SOS1: variants seen among roughly 807,000 people sequenced by gnomAD.
SOS1 encodes the protein SOS Ras/Rac guanine nucleotide exchange factor 1, also known as son of sevenless homolog 1.
SOS1 carries 25 observed loss-of-function variants against 157.6 expected under a neutral mutation model. The ratio of observed to expected loss-of-function variants is 0.16; its 90% CI spans 0.12 to 0.22. The LOEUF (loss-of-function observed/expected upper bound fraction) is 0.22. Among genes scored for constraint, SOS1 ranks in the 10% least tolerant of loss-of-function variants. SOS1 has a pLI of 1.00. For synonymous variants in SOS1, 528 were observed against 534.0 expected (o/e 0.99, Z 0.16); for missense variants, 1,237 against 1,599.1 (o/e 0.77, Z 3.86).
intron 8 of SOS1, among the ~76,000 whole-genome samples, chr2:39,025,073 C>G (rs752720564): frequency 5.3e-5 from 8 of 152,186 alleles, no homozygotes; most frequent in Non-Finnish European, 1.2e-4. Flanking sequence ...ACTCATACAT[C>G]TTAAACCTGT....
chr2:39,040,815 G>A (rs540399221), intron 6 of SOS1, among the ~76,000 whole-genome samples: 1 of 152,300 alleles, frequency 6.6e-6, no homozygotes, highest in East Asian at 1.9e-4. Flanking sequence ...TGGCATACAA[G>A]TATAGGATTG....
At chr2:39,068,721 C>G (rs1671677491) in intron 1 of SOS1, among the ~76,000 whole-genome samples, 1 of 150,640 alleles carries the variant, frequency 6.6e-6, no homozygotes, top group Non-Finnish European at 1.5e-5. Context: ...AAAAGTTTTA[C>G]TTAAGAGTCC....
At chr2:39,090,471 G>A (rs573517795) in intron 1 of SOS1, among the ~76,000 whole-genome samples, 130 of 152,126 alleles carry the variant, frequency 8.5e-4, no homozygotes, top group African/African-American at 2.5e-3. Flanking sequence ...CGAGGTGGGC[G>A]GATTACCTGA....
chr2:39,012,519 A>G (rs1307747554), intron 13 of SOS1, among the ~76,000 whole-genome samples, 171 bp from the exon 14 acceptor site: 2 of 152,156 alleles, frequency 1.3e-5, no homozygotes, highest in Non-Finnish European at 2.9e-5. Context: ...CCGGTCCCCA[A>G]TCCTAATCTT....
At position 39,112,232 on chromosome 2, in the gene SOS1, C is replaced by T. The variant is rs554253877; in HGVS notation, c.87+8104G>A. 8.4e-3 allele frequency among the ~76,000 whole-genome samples: 1,276 copies of T among 152,286 alleles called. 18 individuals carry two copies. The highest frequency in any genetic ancestry group is 0.029 in the African/African-American group (1,215 of 41,540). On this transcript the variant is annotated intron_variant, in intron 1 of 22. Coordinates refer to ENST00000402219, the MANE Select transcript of SOS1 (RefSeq NM_005633.4). ...ACCAACTGTCTTCTCTCCCGGCTTA[C>T]CTGAACAGATAAGCGCTATTGGAGG...
At chr2:39,111,721 TC>T (rs1188533883) in intron 1 of SOS1, among the ~76,000 whole-genome samples, 3 of 147,764 alleles carry the variant, frequency 2.0e-5, no homozygotes, top group South Asian at 2.2e-4. Flanking sequence ...ATCTCTGGAA[TC>T]CTTTTTTTTT....
chr2:39,060,922 T>C (rs1021980452), intron 2 of SOS1, among the ~76,000 whole-genome samples: 2 of 147,648 alleles, frequency 1.4e-5, no homozygotes, highest in Non-Finnish European at 3.0e-5. Flanking sequence ...CTAAATAGAG[T>C]TACATGTCTT....
In SOS1 at chr2:39,012,223, T is replaced by C; in HGVS notation, c.2293A>G (p.Ile765Val). The change falls in exon 14 of 23, where the codon ATA becomes GTA. Residue 765 changes from isoleucine to valine, a missense_variant. Ile to Val is a conservative substitution (Grantham distance 29). Coordinates refer to ENST00000402219, the MANE Select transcript of SOS1 (RefSeq NM_005633.4). The part of the protein sequence containing the change: ...QSSPPTVEWH[I>V]SRPGHIETFD... ...GTCTCTATGTGCCCAGGTCTGCTTA[T>C]ATGCCACTCAACTGTGGGAGGTGAA... 5 of 1,613,672 alleles carry C rather than the reference T, an allele frequency of 3.1e-6. No individual in the cohort carries two copies. Among genetic ancestry groups the C allele is most frequent in the Non-Finnish European group, 4.2e-6 (5 of 1,179,656 alleles).
intron 1 of SOS1, 52 bp downstream of exon 1, chr2:39,120,284 C>G: frequency 6.7e-7 from 1 of 1,497,626 alleles, no homozygotes; most frequent in East Asian, 2.6e-5. Context: ...CCTTCCCCAG[C>G]GCCCGCGCTG....
At chr2:39,108,160 T>A (rs1187059819) in intron 1 of SOS1, among the ~76,000 whole-genome samples, 2 of 152,076 alleles carry the variant, frequency 1.3e-5, no homozygotes, top group African/African-American at 4.8e-5. Context: ...CCTCTAAATC[T>A]CTCTAATTAA....
chr2:39,122,538 G>A (rs535823835), upstream of SOS1, among the ~76,000 whole-genome samples: 157 of 152,236 alleles, frequency 1.0e-3, 1 homozygote, highest in South Asian at 0.032. Flanking sequence ...GGAGGCCGAG[G>A]TGGGCGGACC....
intron 20 of SOS1, chr2:38,993,498 A>G (rs1298298251): frequency 2.0e-5 from 3 of 152,188 alleles, no homozygotes; most frequent in African/African-American, 7.2e-5. Flanking sequence ...AACAAAGACT[A>G]CTGGGTAACT....
chr2:39,002,958 G>C (rs558944955), intron 17 of SOS1, among the ~76,000 whole-genome samples: 15 of 152,064 alleles, frequency 9.9e-5, no homozygotes, highest in Non-Finnish European at 1.9e-4. Flanking sequence ...CCTCCTACTT[G>C]GGGGATTGAG....
chr2:39,046,351 A>T (rs1015554285), intron 6 of SOS1, among the ~76,000 whole-genome samples: 37 of 152,248 alleles, frequency 2.4e-4, no homozygotes, highest in African/African-American at 8.4e-4. Flanking sequence ...CATACTGTAT[A>T]TTTTGTTACT....
intron 2 of SOS1, among the ~76,000 whole-genome samples, chr2:39,066,771 T>G (rs1671602142): frequency 6.6e-6 from 1 of 152,166 alleles, no homozygotes; most frequent in African/African-American, 2.4e-5. Flanking sequence ...GGGAAATAAT[T>G]CACTTACCAC....
At chr2:39,117,663 T>C (rs887387691) in intron 1 of SOS1, among the ~76,000 whole-genome samples, 1 of 152,148 alleles carries the variant, frequency 6.6e-6, no homozygotes, top group Non-Finnish European at 1.5e-5. Context: ...GTCCTATAAC[T>C]GGTGAGATTT....
rs201941507 is a variant in SOS1 at position 39,006,994 on chromosome 2, A to G, written c.2673+37T>C. 2.8e-4 allele frequency: 396 copies of G among 1,407,252 alleles called. 3 individuals are homozygous for G. In the East Asian group the frequency reaches 8.3e-3, roughly 29 times the overall value. The allele number at this position is 1,407,252 out of a possible 1,614,324, so 87.2% of individuals were successfully genotyped here. On this transcript the variant is annotated intron_variant, in intron 16 of 22. Transcript: ENST00000402219. Reference sequence around the variant, plus strand: ...AAAAATCTAATTTTTCTAATAGGGAATGAAAGTTCATTTTAAAAACACATG... The same window carrying G: ...AAAAATCTAATTTTTCTAATAGGGAGTGAAAGTTCATTTTAAAAACACATG...
At chr2:38,991,083 A>C (rs9678084) in intron 20 of SOS1, among the ~76,000 whole-genome samples, 11,110 of 152,140 alleles carry the variant, frequency 0.073, 1,402 homozygotes, top group African/African-American at 0.25. Context: ...TACCAATGCC[A>C]GTCTAGTGTG....
Position 39,012,143 on chromosome 2 carries a change from A to G in SOS1, c.2373T>C (p.Leu791=). ...PIEIARQLTL[L]ESDLYRAVQP... ...TTACATACCGGTATAGATCTGATTCAAGTAAAGTGAGTTGTCGAGCAATTT... is the reference window on the plus strand; with the variant it reads ...TTACATACCGGTATAGATCTGATTCGAGTAAAGTGAGTTGTCGAGCAATTT... The change falls in exon 14 of 23, where the codon CTT becomes CTC. Residue 791 remains leucine, a synonymous_variant. Coordinates refer to ENST00000402219, the MANE Select transcript of SOS1 (RefSeq NM_005633.4). 6 of 1,611,188 alleles carry G rather than the reference A, an allele frequency of 3.7e-6. No individual in the cohort carries two copies. The highest frequency in any genetic ancestry group is 5.1e-6 in the Non-Finnish European group (6 of 1,177,394).
Sources: gnomAD v4.1 joint callset for allele counts (sites outside exome capture counted in the v4.1 genomes callset) on GRCh38, gnomAD v4.1.1 for gene constraint, MANE v1.5 for transcripts, NCBI Gene and HGNC (gene_info 2026-07-23, HGNC 2026-07-21) for gene names.